ZNF749: variants seen among roughly 807,000 people sequenced by gnomAD.
The protein encoded by ZNF749 is zinc finger protein 749.
ZNF749 carries 8 observed loss-of-function variants against 7.3 expected under a neutral mutation model. That is an observed-to-expected ratio of 1.10 (90% confidence interval 0.64 to 1.98). ZNF749 has a LOEUF of 1.98. Ranked by LOEUF, ZNF749 falls within the 30% of genes most tolerant of loss-of-function variation. The pLI is 0.00. For missense variants in ZNF749, 898 were observed against 932.4 expected, an observed-to-expected ratio of 0.96 and a Z score of 0.48; for synonymous variants, 310 against 322.4, an observed-to-expected ratio of 0.96 and a Z score of 0.41.
At position 57,446,458 on chromosome 19, in the gene ZNF749, C is replaced by T. The variant is rs193136407; in HGVS notation, c.*973C>T. Reference sequence around the variant, plus strand: ...CCTCATTCCCTACGCCAACCAGCCCCTGACAATACTACTGTATGAATTTTA... The same window carrying T: ...CCTCATTCCCTACGCCAACCAGCCCTTGACAATACTACTGTATGAATTTTA... On this transcript the variant is annotated 3_prime_UTR_variant, in exon 3 of 3. Transcript: ENST00000334181. Among the ~76,000 whole-genome samples, 7 of 152,320 alleles carry T rather than the reference C, an allele frequency of 4.6e-5. No homozygotes were observed. The highest frequency in any genetic ancestry group is 3.9e-4 in the Admixed American group (6 of 15,304).
At chr19:57,431,585 C>T (rs182947372), upstream of ZNF749, among the ~76,000 whole-genome samples, 323 of 151,796 alleles carry the variant, frequency 2.1e-3, 1 homozygote, top group African/African-American at 6.3e-3. Context: ...CACAAGAACA[C>T]GACAATCTTC....
chr19:57,439,302 A>G lies in ZNF749; in HGVS notation c.16-2583A>G, dbSNP rs1385364750. On this transcript the variant is annotated intron_variant, in intron 1 of 2. Coordinates refer to ENST00000334181, the MANE Select transcript of ZNF749 (RefSeq NM_001023561.4). This position sits in a 1 kb window ranked among gnomAD's most constrained non-coding sequence, Gnocchi z 4.3. The stretch of plus-strand genomic sequence containing the variant: ...GATCTAGAGCTGCCTGTATTTTATA[A>G]CGTAGAGAGCAAGGAAGCTTGGGAG... Among the ~76,000 whole-genome samples the G allele has an allele frequency of 6.6e-6, 1 of 152,140 alleles. No homozygotes were observed. Among genetic ancestry groups the G allele is most frequent in the Non-Finnish European group, 1.5e-5 (1 of 68,012 alleles).
At chr19:57,441,489 A>G (rs553300049) in intron 1 of ZNF749, among the ~76,000 whole-genome samples, 2 of 152,288 alleles carry the variant, frequency 1.3e-5, no homozygotes, top group East Asian at 3.9e-4. Flanking sequence ...GTGCTGCACC[A>G]GGCCACGGGA....
Position 57,435,512 on chromosome 19 carries a change from G to C in ZNF749, c.-67G>C. On this transcript the variant is annotated 5_prime_UTR_variant, in exon 1 of 3. Transcript: ENST00000334181. The stretch of plus-strand genomic sequence containing the variant: ...GTCGGCTGCAGGCGCCCCTGCCTCC[G>C]TCAGCGTCCAGGTGACCGCCGTTCC... 1 of 1,560,102 alleles carries C rather than the reference G, an allele frequency of 6.4e-7. No individual in the cohort carries two copies. Among genetic ancestry groups the C allele is most frequent in the Non-Finnish European group, 8.7e-7 (1 of 1,155,542 alleles).
chr19:57,443,363 C>T lies in ZNF749; in HGVS notation c.215C>T (p.Thr72Ile), dbSNP rs765864750. The T allele has an allele frequency of 1.2e-6, 2 of 1,614,192 alleles. No individual in the cohort carries two copies. Among genetic ancestry groups the T allele is most frequent in the South Asian group, 1.1e-5 (1 of 91,082 alleles). ...GTTTCTGTAAGAGTGTTACAGGTCA[C>T]AATTCCAAAGCCAGCTTTGTCCACC... ...QCVSVRVLQV[T>I]IPKPALSTLK... The change falls in exon 3 of 3, where the codon ACA (threonine) becomes ATA (isoleucine). Residue 72 changes from threonine (T) to isoleucine (I), a missense_variant. Thr to Ile is a moderately conservative substitution (Grantham distance 89). Transcript: ENST00000334181.
Position 57,445,207 on chromosome 19 carries a change from C to A in ZNF749, c.2059C>A (p.His687Asn). ...ATACCGCTCTACATTCATTAAACAT[C>A]ATAAAGTTTGCACTGGGGAGAAGCC... ...LRYRSTFIKH[H>N]KVCTGEKPHE... Residue 687 changes from histidine (H) to asparagine (N), a missense_variant, in exon 3 of 3, where the codon CAT becomes AAT. By Grantham distance (68) the His-to-Asn change is moderately conservative (BLOSUM62 1). Transcript: ENST00000334181. 1 of 1,614,046 alleles carries A rather than the reference C, an allele frequency of 6.2e-7. No homozygotes were observed. The highest frequency in any genetic ancestry group is 8.5e-7 in the Non-Finnish European group (1 of 1,179,956).
Position 57,443,356 on chromosome 19 carries a change from C to T in ZNF749, c.208C>T (p.Gln70Ter). Reference protein sequence around the residue: ...SKQCVSVRVLQVTIPKPALST... With the variant: ...SKQCVSVRVL ...GCAGTGTGTTTCTGTAAGAGTGTTACAGGTCACAATTCCAAAGCCAGCTTT... is the reference window on the plus strand; with the variant it reads ...GCAGTGTGTTTCTGTAAGAGTGTTATAGGTCACAATTCCAAAGCCAGCTTT... The change falls in exon 3 of 3, where the codon CAG becomes TAG. Residue 70 changes from glutamine (Q) to a stop codon, truncating the protein, a stop_gained. Coordinates refer to ENST00000334181, the MANE Select transcript of ZNF749 (RefSeq NM_001023561.4). LOFTEE classifies it low-confidence loss of function (END_TRUNC). 1.2e-6 allele frequency: 2 copies of T among 1,614,130 alleles called. No individual in the cohort carries two copies. The highest frequency in any genetic ancestry group is 8.5e-7 in the Non-Finnish European group (1 of 1,179,960).
chr19:57,430,884 C>CA (rs1056312860), upstream of ZNF749, among the ~76,000 whole-genome samples: 1 of 151,698 alleles, frequency 6.6e-6, no homozygotes, highest in African/African-American at 2.4e-5. Flanking sequence ...TACTAAAATA[C>CA]AAAAAATTAG....
Position 57,439,919 on chromosome 19 carries a change from G to A in ZNF749, c.16-1966G>A, listed in dbSNP as rs1460183143. On this transcript the variant is annotated intron_variant, in intron 1 of 2. Transcript: ENST00000334181. The surrounding 1 kb of genome is among the most constrained non-coding windows in gnomAD (Gnocchi z 4.3). ...TGATAGCTGAACTGTTGTGAAACTGGGTCAGATTTAGGAAGCAATGGTGTT... is the reference window on the plus strand; with the variant it reads ...TGATAGCTGAACTGTTGTGAAACTGAGTCAGATTTAGGAAGCAATGGTGTT... Among the ~76,000 whole-genome samples, 1 of 152,180 alleles carries A rather than the reference G, an allele frequency of 6.6e-6. No individual in the cohort carries two copies. Among genetic ancestry groups the A allele is most frequent in the Non-Finnish European group, 1.5e-5 (1 of 68,042 alleles).
At position 57,441,915 on chromosome 19, in the gene ZNF749, T is replaced by C. The variant is rs1042968944; in HGVS notation, c.46T>C (p.Tyr16His). Residue 16 changes from tyrosine (Y) to histidine (H), a missense_variant, in exon 2 of 3, where the codon TAT becomes CAT. Tyr to His is a moderately conservative substitution (Grantham distance 83). Coordinates refer to ENST00000334181, the MANE Select transcript of ZNF749 (RefSeq NM_001023561.4). The part of the protein sequence containing the change: ...DCMVFEDVAI[Y>H]FSQEEWGILN... ...TATGGTCTTTGAGGATGTGGCCATA[T>C]ATTTCTCCCAAGAGGAATGGGGGAT... is the stretch of plus-strand genomic sequence containing the variant. The C allele has an allele frequency of 1.9e-6, 3 of 1,614,192 alleles. No individual in the cohort carries two copies. The highest frequency in any genetic ancestry group is 1.3e-5 in the African/African-American group (1 of 75,054).
In ZNF749 at chr19:57,435,492, C is replaced by A; in HGVS notation, c.-87C>A. ...CTAGAGTGCGGATCGGCTGAGTCGGCTGCAGGCGCCCCTGCCTCCGTCAGC... is the reference window on the plus strand; with the variant it reads ...CTAGAGTGCGGATCGGCTGAGTCGGATGCAGGCGCCCCTGCCTCCGTCAGC... On this transcript the variant is annotated 5_prime_UTR_variant, in exon 1 of 3. It adds an upstream start codon to the 5' untranslated region. Coordinates refer to ENST00000334181, the MANE Select transcript of ZNF749 (RefSeq NM_001023561.4). 6.5e-7 allele frequency: 1 copy of A among 1,542,812 alleles called. No individual in the cohort carries two copies.
In ZNF749 at chr19:57,444,202, A is replaced by G. The variant is rs147745291; in HGVS notation, c.1054A>G (p.Arg352Gly). The G allele has an allele frequency of 3.7e-6, 6 of 1,614,006 alleles. No individual in the cohort carries two copies. In the African/African-American group the frequency reaches 6.7e-5, roughly 18 times the overall value. ...ACATCAGAAAGTTCACACTGGGGAGAGGCGTTACGAGTGCAGTGAATGTGG... is the reference window on the plus strand; with the variant it reads ...ACATCAGAAAGTTCACACTGGGGAGGGGCGTTACGAGTGCAGTGAATGTGG... ...IRHQKVHTGE[R>G]RYECSECGKL... The change falls in exon 3 of 3, where the codon AGG becomes GGG. Residue 352 changes from arginine (R) to glycine (G), a missense_variant. Physicochemically the swap from Arg to Gly is moderately radical, Grantham distance 125 (BLOSUM62 -2). Coordinates refer to ENST00000334181, the MANE Select transcript of ZNF749 (RefSeq NM_001023561.4).
upstream of ZNF749, chr19:57,435,189 C>A: frequency 3.0e-6 from 1 of 335,330 alleles, no homozygotes. Flanking sequence ...ACTACATTAC[C>A]CAGAAGACAC....
upstream of ZNF749, among the ~76,000 whole-genome samples, chr19:57,432,078 C>G (rs976057354): frequency 2.0e-5 from 3 of 151,872 alleles, no homozygotes; most frequent in African/African-American, 7.3e-5. Context: ...GGTGATCTGC[C>G]TGCCTCGGCC....
At position 57,443,398 on chromosome 19, in the gene ZNF749, C is replaced by T; in HGVS notation, c.250C>T (p.Gln84Ter). 6.2e-7 allele frequency: 1 copy of T among 1,614,230 alleles called. No individual in the cohort carries two copies. Among genetic ancestry groups the T allele is most frequent in the Non-Finnish European group, 8.5e-7 (1 of 1,180,036 alleles). ...PKPALSTLKA[Q>*]PCKMCSSILK... The stretch of plus-strand genomic sequence containing the variant: ...GCCAGCTTTGTCCACCCTGAAGGCC[C>T]AGCCCTGCAAGATGTGTAGCTCAAT... The change falls in exon 3 of 3, where the codon CAG (glutamine) becomes TAG (stop). Residue 84 changes from glutamine (Q) to a stop codon, truncating the protein, a stop_gained. Coordinates refer to ENST00000334181, the MANE Select transcript of ZNF749 (RefSeq NM_001023561.4). LOFTEE classifies it low-confidence loss of function (END_TRUNC).
Position 57,445,675 on chromosome 19 carries a change from T to C in ZNF749, c.*190T>C. The C allele has an allele frequency of 1.8e-6, 1 of 563,852 alleles. No homozygotes were observed. Among genetic ancestry groups the C allele is most frequent in the Non-Finnish European group, 2.2e-6 (1 of 444,930 alleles). The allele number at this position is 563,852 out of a possible 1,614,324, so 34.9% of individuals were successfully genotyped here. ...CAGGCGTGGTGGCTCACGCCTGTAA[T>C]CCCAGCACTTTGGGAGGCAGAGGTG... On this transcript the variant is annotated 3_prime_UTR_variant, in exon 3 of 3. Coordinates refer to ENST00000334181, the MANE Select transcript of ZNF749 (RefSeq NM_001023561.4).
Position 57,446,253 on chromosome 19 carries a change from A to G in ZNF749, c.*768A>G, listed in dbSNP as rs116526374. On this transcript the variant is annotated 3_prime_UTR_variant, in exon 3 of 3. Coordinates refer to ENST00000334181, the MANE Select transcript of ZNF749 (RefSeq NM_001023561.4). ...CTATTGTGAACTGTGCCTGTGAGGG[A>G]TCTAGGTTGTGTGCTCCTTATGAGA... 0.022 allele frequency among the ~76,000 whole-genome samples: 3,314 copies of G among 152,146 alleles called. 108 individuals are homozygous for G. The highest frequency in any genetic ancestry group is 0.074 in the African/African-American group (3,089 of 41,502).
chr19:57,444,443 A>G lies in ZNF749; in HGVS notation c.1295A>G (p.His432Arg). Residue 432 changes from histidine (H) to arginine (R), a missense_variant, in exon 3 of 3, where the codon CAT becomes CGT. By Grantham distance (29) the His-to-Arg change is conservative. Transcript: ENST00000334181. ...KHNVVQHLKIHTGERPYECTE... is the reference protein window; with the variant it reads ...KHNVVQHLKIRTGERPYECTE... ...AATGTTGTTCAGCATCTGAAAATTCATACTGGAGAACGGCCTTATGAGTGC... is the reference window on the plus strand; with the variant it reads ...AATGTTGTTCAGCATCTGAAAATTCGTACTGGAGAACGGCCTTATGAGTGC... 4 of 1,614,062 alleles carry G rather than the reference A, an allele frequency of 2.5e-6. No individual in the cohort carries two copies. Among genetic ancestry groups the G allele is most frequent in the South Asian group, 1.1e-5 (1 of 91,088 alleles).
chr19:57,430,670 C>T (rs2088894802), upstream of ZNF749, among the ~76,000 whole-genome samples: 1 of 152,066 alleles, frequency 6.6e-6, no homozygotes, highest in Non-Finnish European at 1.5e-5. Flanking sequence ...AGGTAATTGG[C>T]ATTTTGGAAT....
Sources: gnomAD v4.1 joint callset for allele counts (sites outside exome capture counted in the v4.1 genomes callset) on GRCh38, gnomAD v4.1.1 for gene constraint, Gnocchi (gnomAD v3.1) non-coding constraint, MANE v1.5 for transcripts, NCBI Gene and HGNC (gene_info 2026-07-23, HGNC 2026-07-21) for gene names.